TRPC4: variants seen among roughly 807,000 people sequenced by gnomAD.
The protein encoded by TRPC4 is transient receptor potential cation channel subfamily C member 4.
In TRPC4, 49 loss-of-function variants were observed where a neutral mutation model predicts 99.4. The observed-to-expected ratio is 0.49, with a 90% CI of 0.39 to 0.63. The LOEUF (loss-of-function observed/expected upper bound fraction) is 0.63. Ranked by LOEUF, TRPC4 falls within the 20% of genes least tolerant of loss-of-function variation. TRPC4 has a pLI of 0.00. For synonymous variants in TRPC4, 454 were observed against 425.9 expected (o/e 1.07, Z -0.81); for missense variants, 898 against 1,152.9 (o/e 0.78, Z 3.20).
chr13:37,800,412 T>C (rs903791519), intron 1 of TRPC4, among the ~76,000 whole-genome samples: 20 of 152,196 alleles, frequency 1.3e-4, no homozygotes, highest in African/African-American at 4.6e-4. Context: ...ATTTATTTTA[T>C]AAAATTAGTT....
intron 8 of TRPC4, among the ~76,000 whole-genome samples, chr13:37,640,885 A>T (rs1460514942): frequency 6.6e-6 from 1 of 152,178 alleles, no homozygotes; most frequent in Non-Finnish European, 1.5e-5. Context: ...CTCTTAATTT[A>T]ATATAGAAAG....
intron 8 of TRPC4, among the ~76,000 whole-genome samples, chr13:37,641,334 T>C (rs1366411864): frequency 6.6e-6 from 1 of 152,226 alleles, no homozygotes; most frequent in African/African-American, 2.4e-5. Context: ...TTATTCAGTT[T>C]ATATAGTCCA....
At chr13:37,673,789 T>A (rs943870758) in intron 5 of TRPC4, among the ~76,000 whole-genome samples, 1 of 152,196 alleles carries the variant, frequency 6.6e-6, no homozygotes, top group Non-Finnish European at 1.5e-5. Context: ...TGTATTAGTT[T>A]ATACTGAAAT....
intron 1 of TRPC4, among the ~76,000 whole-genome samples, chr13:37,848,346 C>G (rs145226394): frequency 6.6e-6 from 1 of 151,714 alleles, no homozygotes; most frequent in Non-Finnish European, 1.5e-5. Flanking sequence ...TCTTTTTGTC[C>G]ATCAAAAAAC....
At chr13:37,748,412 T>C (rs1343658466) in intron 2 of TRPC4, among the ~76,000 whole-genome samples, 1 of 152,158 alleles carries the variant, frequency 6.6e-6, no homozygotes, top group African/African-American at 2.4e-5. Flanking sequence ...TATATCTTTA[T>C]AGAATATTGC....
chr13:37,832,472 G>T (rs1958449812), intron 1 of TRPC4, among the ~76,000 whole-genome samples: 1 of 152,158 alleles, frequency 6.6e-6, no homozygotes, highest in South Asian at 2.1e-4. Context: ...CCGGGAGACA[G>T]AGGTTGCAGT....
chr13:37,816,533 G>T (rs565806542), intron 1 of TRPC4, among the ~76,000 whole-genome samples: 3 of 152,014 alleles, frequency 2.0e-5, no homozygotes, highest in African/African-American at 7.2e-5. Context: ...ATTCAATGAG[G>T]CCAGCATCAT....
In TRPC4 at chr13:37,746,191, CT is replaced by C; in HGVS notation, c.642del (p.Asp215IlefsTer9). The C allele has an allele frequency of 6.2e-7, 1 of 1,613,832 alleles. No individual in the cohort carries two copies. The highest frequency in any genetic ancestry group is 8.5e-7 in the Non-Finnish European group (1 of 1,179,876). Reference protein sequence around the residue: ...ASPSLIALSSEDPFLTAFQLS... With the variant: ...ASPSLIALSSXDPFLTAFQLS... The stretch of plus-strand genomic sequence containing the variant: ...AACTGAAAGGCTGTGAGAAAAGGAT[CT>C]TCGCTTGACAGTGCAATGAGAGAGG... On this transcript the variant is annotated frameshift_variant, in exon 3 of 11. Coordinates refer to ENST00000379705, the MANE Select transcript of TRPC4 (RefSeq NM_016179.4). LOFTEE classifies it high-confidence loss of function.
chr13:37,637,987 A>C (rs1217251846), intron 10 of TRPC4, among the ~76,000 whole-genome samples: 1 of 152,134 alleles, frequency 6.6e-6, no homozygotes, highest in Non-Finnish European at 1.5e-5. Context: ...GTATTTTATA[A>C]GATTTTTAAT....
chr13:37,664,372 G>A (rs181350027), intron 5 of TRPC4, among the ~76,000 whole-genome samples: 4 of 152,148 alleles, frequency 2.6e-5, no homozygotes, highest in Admixed American at 6.5e-5. Context: ...TTGGGAGTTC[G>A]CGACCAGCCT....
rs371175067 is a variant in TRPC4 at position 37,745,931 on chromosome 13, A to G, written c.897+6T>C. On this transcript the variant is annotated splice_donor_region_variant and intron_variant, in intron 3 of 10. Coordinates refer to ENST00000379705, the MANE Select transcript of TRPC4 (RefSeq NM_016179.4). ...ATTTTGATGGATCAAGTCTGGCAAC[A>G]CTCACCTCTTTTTGACGGTACTTAA... The G allele has an allele frequency of 3.8e-5, 61 of 1,606,066 alleles. No individual in the cohort carries two copies. Among genetic ancestry groups the G allele is most frequent in the Non-Finnish European group, 4.8e-5 (56 of 1,175,128 alleles).
At chr13:37,693,377 G>A (rs945890721) in intron 3 of TRPC4, among the ~76,000 whole-genome samples, 1 of 152,106 alleles carries the variant, frequency 6.6e-6, no homozygotes, top group Non-Finnish European at 1.5e-5. Context: ...GGGATTAAAC[G>A]ATGCCCTATG....
rs903374931 is a variant in TRPC4, at chr13:37,746,011, T to G, written c.823A>C (p.Asn275His). Residue 275 changes from asparagine to histidine, a missense_variant, in exon 3 of 11, where the codon AAT becomes CAT. Around this residue, in one of 3 missense-constraint regions of TRPC4, gnomAD observed 278 missense variants for 346.6 expected, o/e 0.80. Transcript: ENST00000379705. The part of the protein sequence containing the change: ...LEIILNYRDD[N>H]SLIEEQSGND... ...CCACTTTGTTCTTCTATGAGACTAT[T>G]GTCATCTCGGTAATTAAGAATGATT... 1 of 1,613,900 alleles carries G rather than the reference T, an allele frequency of 6.2e-7. No individual in the cohort carries two copies. Among genetic ancestry groups the G allele is most frequent in the Non-Finnish European group, 8.5e-7 (1 of 1,179,846 alleles).
intron 1 of TRPC4, 35 bp from the exon 2 acceptor site, chr13:37,783,395 T>G (rs925701137): frequency 9.6e-6 from 14 of 1,458,692 alleles, no homozygotes; most frequent in African/African-American, 7.0e-5. Flanking sequence ...AAGATTAGTG[T>G]TAATATGCTT....
intron 1 of TRPC4, among the ~76,000 whole-genome samples, chr13:37,822,728 C>T (rs1958052992): frequency 6.6e-6 from 1 of 152,008 alleles, no homozygotes. Context: ...CCGCAATGAA[C>T]ATACGTGTGC....
intron 4 of TRPC4, among the ~76,000 whole-genome samples, chr13:37,680,563 C>T (rs571903858): frequency 1.3e-5 from 2 of 152,170 alleles, no homozygotes; most frequent in Non-Finnish European, 2.9e-5. Flanking sequence ...ACAATCGCTG[C>T]CATGAGAGAT....
intron 1 of TRPC4, among the ~76,000 whole-genome samples, chr13:37,849,758 C>G (rs1593315408): frequency 6.6e-6 from 1 of 152,320 alleles, no homozygotes; most frequent in Non-Finnish European, 1.5e-5. Flanking sequence ...TTTACTTGAT[C>G]AGGCTGGAGC....
chr13:37,644,604 T>C (rs533244816), intron 8 of TRPC4, among the ~76,000 whole-genome samples: 18 of 151,850 alleles, frequency 1.2e-4, no homozygotes, highest in Middle Eastern at 6.8e-3. Context: ...GGCGCGGTGG[T>C]TCACGCCTGT....
chr13:37,774,025 A>G (rs7327448), intron 2 of TRPC4, among the ~76,000 whole-genome samples: 68,404 of 151,410 alleles, frequency 0.45, 15,616 homozygotes, highest in South Asian at 0.52. Flanking sequence ...TTTATATATA[A>G]TGGTACTAGT....
Sources: gnomAD v4.1 joint callset for allele counts (sites outside exome capture counted in the v4.1 genomes callset) on GRCh38, gnomAD v4.1.1 for gene constraint, gnomAD v4.1.1 regional missense constraint, MANE v1.5 for transcripts, NCBI Gene and HGNC (gene_info 2026-07-23, HGNC 2026-07-21) for gene names.